PARD3: variants seen among roughly 807,000 people sequenced by gnomAD.
PARD3 encodes par-3 family cell polarity regulator.
In PARD3, 75 loss-of-function variants were observed where a neutral mutation model predicts 155.4. The observed-to-expected ratio is 0.48, with a 90% CI of 0.40 to 0.58. PARD3 has a LOEUF of 0.58. Ranked by LOEUF, PARD3 falls within the 20% of genes least tolerant of loss-of-function variation. The probability of loss-of-function intolerance (pLI) is 0.00; values close to 1 mark genes in which losing one functional copy is unlikely to be tolerated. For missense variants in PARD3, 1,642 were observed against 1,721.7 expected, an observed-to-expected ratio of 0.95 and a Z score of 0.82; for synonymous variants, 576 against 610.5, an observed-to-expected ratio of 0.94 and a Z score of 0.83.
intron 2 of PARD3, among the ~76,000 whole-genome samples, chr10:34,694,048 T>C (rs775840366): frequency 1.3e-5 from 2 of 152,000 alleles, no homozygotes. Context: ...AGGTGATTAA[T>C]TCCTTTGTAT....
chr10:34,359,369 G>T, intron 13 of PARD3, 52 bp from the exon 14 acceptor site: 1 of 1,244,482 alleles, frequency 8.0e-7, no homozygotes, highest in East Asian at 2.5e-5. Context: ...TGCTATAAAA[G>T]AAGTAGCTTT....
chr10:34,505,032 A>G (rs2080969573), intron 3 of PARD3, among the ~76,000 whole-genome samples: 1 of 152,184 alleles, frequency 6.6e-6, no homozygotes, highest in Non-Finnish European at 1.5e-5. Flanking sequence ...TTGAAAGATA[A>G]AAACAAAAAA....
chr10:34,197,319 T>C (rs1194897015), intron 22 of PARD3, among the ~76,000 whole-genome samples: 2 of 152,156 alleles, frequency 1.3e-5, no homozygotes, highest in Non-Finnish European at 2.9e-5. Context: ...AGGGAACTGA[T>C]TGGACCAGGC....
chr10:34,273,916 A>G (rs1460684803), intron 21 of PARD3, among the ~76,000 whole-genome samples: 4 of 152,120 alleles, frequency 2.6e-5, no homozygotes, highest in African/African-American at 9.7e-5. Flanking sequence ...CACCTAGCTC[A>G]GTGTTTCTCA....
intron 5 of PARD3, among the ~76,000 whole-genome samples, chr10:34,445,759 A>C (rs2076704294): frequency 6.6e-6 from 1 of 151,888 alleles, no homozygotes; most frequent in Non-Finnish European, 1.5e-5. Context: ...CTGGGCTACC[A>C]ATCTTTTTCT....
chr10:34,776,852 T>TGGG (rs1839613758), intron 1 of PARD3, among the ~76,000 whole-genome samples: 1 of 29,640 alleles, frequency 3.4e-5, no homozygotes, highest in Non-Finnish European at 6.5e-5. Context: ...GGGGGGCGGG[T>TGGG]GGGGGATGGA....
chr10:34,545,586 G>A (rs558331492), intron 2 of PARD3, among the ~76,000 whole-genome samples: 10 of 152,184 alleles, frequency 6.6e-5, no homozygotes, highest in East Asian at 1.9e-4. Context: ...ATGGAGTCTC[G>A]CTCTGTCGCC....
chr10:34,506,821 A>C (rs2081095329), intron 3 of PARD3, among the ~76,000 whole-genome samples: 1 of 152,240 alleles, frequency 6.6e-6, no homozygotes, highest in South Asian at 2.1e-4. Flanking sequence ...TGAAGGATAA[A>C]GTAAATTTCA....
rs138235359 is a variant in PARD3, at chr10:34,460,599, C to T, written c.582+9486G>A. ...CTGTAATCCCAGCACTTTGGGAGGC[C>T]GAGGCGGGTGGATAACGAGGTCAGG... On this transcript the variant is annotated intron_variant, in intron 4 of 24. Transcript: ENST00000374788. 5.1e-3 allele frequency among the ~76,000 whole-genome samples: 775 copies of T among 152,086 alleles called. 7 individuals carry two copies. Among genetic ancestry groups the T allele is most frequent in the African/African-American group, 0.018 (743 of 41,482 alleles).
chr10:34,442,356 G>C (rs181893306), intron 5 of PARD3, among the ~76,000 whole-genome samples: 2 of 152,258 alleles, frequency 1.3e-5, no homozygotes, highest in Admixed American at 1.3e-4. Flanking sequence ...CTCTTCCACG[G>C]TTTAATGCTG....
At chr10:34,372,652 T>C (rs1196679470) in intron 11 of PARD3, 116 bp from the exon 12 acceptor site, 4 of 749,472 alleles carry the variant, frequency 5.3e-6, no homozygotes, top group South Asian at 3.2e-5. Flanking sequence ...CCACAAAATA[T>C]ATAAAGGGTA....
rs576057245 is a variant in PARD3, at chr10:34,548,287, G to C, written c.223-31128C>G. On this transcript the variant is annotated intron_variant, in intron 2 of 24. Transcript: ENST00000374788. ...GTGAATCACTTGAGGCCAGGAGTTA[G>C]AGACTAGCCTGGGCAATGTGGCAAA... is the stretch of plus-strand genomic sequence containing the variant. 2.6e-5 allele frequency among the ~76,000 whole-genome samples: 4 copies of C among 152,186 alleles called. No homozygotes were observed. The East Asian group carries it at 7.8e-4, about 29-fold the overall frequency.
intron 2 of PARD3, among the ~76,000 whole-genome samples, chr10:34,653,448 C>T (rs2093074148): frequency 6.6e-6 from 1 of 152,118 alleles, no homozygotes; most frequent in Non-Finnish European, 1.5e-5. Flanking sequence ...ACATCTTCAC[C>T]TTTGCCCTTG....
At chr10:34,753,893 A>G (rs1029529922) in intron 1 of PARD3, among the ~76,000 whole-genome samples, 3 of 152,226 alleles carry the variant, frequency 2.0e-5, no homozygotes, top group Non-Finnish European at 2.9e-5. Flanking sequence ...AACAAAAAGG[A>G]GCACACAGTT....
chr10:34,791,656 G>A (rs1588768092), intron 1 of PARD3, among the ~76,000 whole-genome samples: 2 of 152,156 alleles, frequency 1.3e-5, no homozygotes, highest in East Asian at 1.9e-4. Context: ...TGTGACAATC[G>A]CCTGAGGCCA....
chr10:34,254,537 C>CGTGTGTGT (rs55901749), intron 22 of PARD3, among the ~76,000 whole-genome samples: 236 of 145,606 alleles, frequency 1.6e-3, no homozygotes, highest in African/African-American at 3.7e-3. Context: ...GGTAGGTAAA[C>CGTGTGTGT]GTGTGTGTGT....
chr10:34,512,876 G>A (rs2081484474), intron 3 of PARD3, among the ~76,000 whole-genome samples: 1 of 151,966 alleles, frequency 6.6e-6, no homozygotes, highest in South Asian at 2.1e-4. Flanking sequence ...CTTTCATCCT[G>A]TAATACCCAC....
intron 3 of PARD3, among the ~76,000 whole-genome samples, chr10:34,482,957 T>C (rs1008859256): frequency 1.3e-5 from 2 of 151,750 alleles, no homozygotes; most frequent in East Asian, 3.9e-4. Context: ...AAGACCATCC[T>C]GACCAACATG....
At chr10:34,245,734 G>C (rs1953907991) in intron 22 of PARD3, among the ~76,000 whole-genome samples, 1 of 152,192 alleles carries the variant, frequency 6.6e-6, no homozygotes. Context: ...GAGATGGACA[G>C]GGTGCTGGTG....
Sources: allele counts gnomAD v4.1 joint callset (sites outside exome capture counted in the v4.1 genomes callset), GRCh38; gene constraint gnomAD v4.1.1; transcripts MANE v1.5; gene names NCBI Gene and HGNC (gene_info 2026-07-23, HGNC 2026-07-21).